Variants in CTNNA3 observed in about 807,000 individuals in gnomAD.
CTNNA3 encodes catenin alpha-3.
Under a neutral mutation model 95.7 loss-of-function variants are expected in CTNNA3, and 76 were observed. The ratio of observed to expected loss-of-function variants is 0.79; its 90% CI spans 0.66 to 0.96. The LOEUF is 0.96. Ranked by LOEUF, CTNNA3 falls within the 40% of genes least tolerant of loss-of-function variation. The pLI, the probability that CTNNA3 is intolerant of heterozygous loss-of-function variation, is 0.00. For synonymous variants in CTNNA3, 431 were observed against 374.4 expected (o/e 1.15, Z -1.74); for missense variants, 1,191 against 1,089.8 (o/e 1.09, Z -1.31).
At chr10:66,679,826 C>T (rs774343924) in intron 9 of CTNNA3, among the ~76,000 whole-genome samples, 4 of 152,158 alleles carry the variant, frequency 2.6e-5, no homozygotes, top group African/African-American at 4.8e-5. Context: ...CACTCTGACA[C>T]TACACTTTCA....
chr10:67,502,240 C>T (rs1839256200), intron 5 of CTNNA3, among the ~76,000 whole-genome samples: 1 of 152,172 alleles, frequency 6.6e-6, no homozygotes, highest in Non-Finnish European at 1.5e-5. Context: ...TCCTGCAGTG[C>T]TTCTGGTGTT....
intron 7 of CTNNA3, among the ~76,000 whole-genome samples, chr10:66,859,808 C>G (rs1313633930): frequency 0.025 from 3,202 of 128,592 alleles, 149 homozygotes; most frequent in African/African-American, 0.094. Context: ...AAATGTGGCA[C>G]ATATACACCA....
chr10:66,587,205 T>G (rs1315148605), intron 10 of CTNNA3, among the ~76,000 whole-genome samples: 2 of 152,204 alleles, frequency 1.3e-5, no homozygotes, highest in Non-Finnish European at 2.9e-5. Flanking sequence ...GACGTCCTAT[T>G]TAGCTAAGGT....
chr10:67,063,655 G>A (rs1855895184), intron 7 of CTNNA3, among the ~76,000 whole-genome samples: 2 of 152,162 alleles, frequency 1.3e-5, no homozygotes, highest in African/African-American at 4.8e-5. Context: ...GTGCTCTTTC[G>A]AGAATAAATA....
intron 5 of CTNNA3, among the ~76,000 whole-genome samples, chr10:67,451,903 T>A (rs1030501632): frequency 6.6e-6 from 1 of 152,190 alleles, no homozygotes; most frequent in African/African-American, 2.4e-5. Context: ...TTTTCTTTTA[T>A]ATACACTATC....
chr10:66,637,292 T>G (rs774056718), intron 9 of CTNNA3, among the ~76,000 whole-genome samples: 5 of 152,250 alleles, frequency 3.3e-5, no homozygotes, highest in African/African-American at 7.2e-5. Context: ...TTAGTTGTTT[T>G]CAATTCTTAT....
intron 13 of CTNNA3, among the ~76,000 whole-genome samples, chr10:66,246,325 G>C (rs903495863): frequency 1.3e-5 from 2 of 152,104 alleles, no homozygotes; most frequent in African/African-American, 4.8e-5. Flanking sequence ...CCCAGGGTTG[G>C]GGGGTGGGGC....
rs1480124070 is a variant in CTNNA3, at chr10:67,672,171, C to CTGTTCA, written c.-6+23823_-6+23828dup. Among the ~76,000 whole-genome samples, 4 of 152,272 alleles carry CTGTTCA rather than the reference C, an allele frequency of 2.6e-5. No homozygotes were observed. The South Asian group carries it at 8.3e-4, about 32-fold the overall frequency. On this transcript the variant is annotated intron_variant, in intron 1 of 17. Coordinates refer to ENST00000433211, the MANE Select transcript of CTNNA3 (RefSeq NM_013266.4). The stretch of plus-strand genomic sequence containing the variant: ...ATAAATGTCTTCTTTTGAGAAGTGT[C>CTGTTCA]TGTTCATATCCTTCGCCCACTTTTT...
chr10:66,334,335 C>G (rs564545175), intron 12 of CTNNA3, among the ~76,000 whole-genome samples: 1 of 151,906 alleles, frequency 6.6e-6, no homozygotes, highest in Non-Finnish European at 1.5e-5. Flanking sequence ...ATAGTCTTTA[C>G]AATTTGGCAT....
At chr10:67,566,041 G>GTATATATA (rs1388066358) in intron 3 of CTNNA3, among the ~76,000 whole-genome samples, 1,360 of 29,322 alleles carry the variant, frequency 0.046, 67 homozygotes, top group East Asian at 0.077. Context: ...ATATGTGTGT[G>GTATATATA]TGTATATATA....
At chr10:66,064,625 T>C (rs2080276281) in intron 15 of CTNNA3, among the ~76,000 whole-genome samples, 1 of 152,170 alleles carries the variant, frequency 6.6e-6, no homozygotes, top group Non-Finnish European at 1.5e-5. Context: ...GGTTCCCCTT[T>C]TAAAGGTAGG....
chr10:66,822,033 A>G (rs1589293875), intron 7 of CTNNA3, among the ~76,000 whole-genome samples: 1 of 150,842 alleles, frequency 6.6e-6, no homozygotes, highest in African/African-American at 2.4e-5. Context: ...CATTATTAAT[A>G]TATTATTGTT....
intron 9 of CTNNA3, among the ~76,000 whole-genome samples, chr10:66,649,877 C>G (rs1026827037): frequency 1.3e-5 from 2 of 152,176 alleles, no homozygotes; most frequent in Non-Finnish European, 2.9e-5. Context: ...GACCCAGCCT[C>G]CAGGTTAAGC....
chr10:66,779,159 T>C (rs1305430424), intron 7 of CTNNA3, among the ~76,000 whole-genome samples: 1 of 152,126 alleles, frequency 6.6e-6, no homozygotes, highest in Admixed American at 6.6e-5. Context: ...GTCTTGATCA[T>C]TGTGTTCAAA....
intron 7 of CTNNA3, among the ~76,000 whole-genome samples, chr10:67,060,749 G>T (rs1384276978): frequency 6.6e-6 from 1 of 152,152 alleles, no homozygotes; most frequent in African/African-American, 2.4e-5. Flanking sequence ...AAACTGTGGT[G>T]CCTCTGTCAG....
At chr10:67,026,911 T>A (rs1221549339) in intron 7 of CTNNA3, among the ~76,000 whole-genome samples, 1 of 152,218 alleles carries the variant, frequency 6.6e-6, no homozygotes, top group African/African-American at 2.4e-5. Flanking sequence ...TAAGATCACA[T>A]TAAAATAGAA....
intron 7 of CTNNA3, among the ~76,000 whole-genome samples, chr10:67,003,418 T>C (rs1851792312): frequency 6.6e-6 from 1 of 152,140 alleles, no homozygotes; most frequent in South Asian, 2.1e-4. Flanking sequence ...GTTCCAAGTA[T>C]TTCAGTCTTA....
intron 7 of CTNNA3, among the ~76,000 whole-genome samples, chr10:66,907,725 T>C (rs1846049564): frequency 6.6e-6 from 1 of 152,148 alleles, no homozygotes; most frequent in Non-Finnish European, 1.5e-5. Flanking sequence ...GTTGGGAATA[T>C]CTACCCCAAC....
At chr10:66,706,662 A>C (rs1214910174) in intron 9 of CTNNA3, among the ~76,000 whole-genome samples, 1 of 152,044 alleles carries the variant, frequency 6.6e-6, no homozygotes, top group Non-Finnish European at 1.5e-5. Flanking sequence ...TGTCTTCCTG[A>C]TAACACTGGT....
Sources: allele counts gnomAD v4.1 joint callset (sites outside exome capture counted in the v4.1 genomes callset), GRCh38; gene constraint gnomAD v4.1.1; transcripts MANE v1.5; gene names NCBI Gene and HGNC (gene_info 2026-07-23, HGNC 2026-07-21).